CCDC171: variants seen among roughly 807,000 people sequenced by gnomAD.
CCDC171 encodes the protein coiled-coil domain-containing protein 171.
In CCDC171, 177 loss-of-function variants were observed where a neutral mutation model predicts 168.2. That is an observed-to-expected ratio of 1.05 (90% CI 0.93 to 1.19). The LOEUF is 1.19. Ranked by LOEUF, CCDC171 falls within the 50% of genes most tolerant of loss-of-function variation. CCDC171 has a pLI of 0.00. For missense variants in CCDC171, 1,991 were observed against 1,539.0 expected (o/e 1.29, Z -4.91); for synonymous variants, 687 against 540.8 (o/e 1.27, Z -3.75).
rs1384816767 is a variant in CCDC171, at chr9:15,818,161, C to T, written c.3268-28541C>T. ...GACTGTTAGAAGGAAAACTAACAAACAGAAGGGGACATGCACACCAAAACC... is the reference window on the plus strand; with the variant it reads ...GACTGTTAGAAGGAAAACTAACAAATAGAAGGGGACATGCACACCAAAACC... On this transcript the variant is annotated intron_variant, in intron 21 of 25. Transcript: ENST00000380701. Among the ~76,000 whole-genome samples the T allele has an allele frequency of 3.4e-5, 4 of 117,116 alleles. 2 individuals carry two copies. The highest frequency in any genetic ancestry group is 1.3e-4 in the African/African-American group (4 of 31,080). The allele number at this position is 117,116 out of a possible 152,430, so 76.8% of individuals were successfully genotyped here. A position where few individuals can be genotyped will look rare whatever the true frequency, so the allele number is the denominator to read the frequency against.
chr9:15,619,750 G>A (rs1338309453), intron 6 of CCDC171, among the ~76,000 whole-genome samples: 1 of 152,164 alleles, frequency 6.6e-6, no homozygotes, highest in Non-Finnish European at 1.5e-5. Flanking sequence ...CTACTGGAAG[G>A]TGTCATCTAG....
Position 15,702,965 on chromosome 9 carries a change from G to T in CCDC171, c.1318+7628G>T, listed in dbSNP as rs555475951. On this transcript the variant is annotated intron_variant, in intron 11 of 25. Coordinates refer to ENST00000380701, the MANE Select transcript of CCDC171 (RefSeq NM_173550.4). ...GTTGCCCAGGCTGGAGTGCAGTGGC[G>T]CGATCTCTGCTCACTGCAACCTCCC... Among the ~76,000 whole-genome samples, 5 of 150,818 alleles carry T rather than the reference G, an allele frequency of 3.3e-5. No homozygotes were observed. In the East Asian group the frequency reaches 9.8e-4, roughly 30 times the overall value.
In CCDC171 at chr9:15,578,388, C is replaced by G. The variant is rs1260288986; in HGVS notation, c.178-461C>G. Among the ~76,000 whole-genome samples the G allele has an allele frequency of 2.7e-5, 4 of 149,198 alleles. No individual in the cohort carries two copies. The East Asian group carries it at 5.9e-4, about 22-fold the overall frequency. Reference sequence around the variant, plus strand: ...TAGCTGAGACTACAGGTGCACACCACCATGCCTGGTTAATTTTTGTATTAT... The same window carrying G: ...TAGCTGAGACTACAGGTGCACACCAGCATGCCTGGTTAATTTTTGTATTAT... On this transcript the variant is annotated intron_variant, in intron 3 of 25. Coordinates refer to ENST00000380701, the MANE Select transcript of CCDC171 (RefSeq NM_173550.4).
chr9:16,082,699 C>A, the CCDC171 span, among the ~76,000 whole-genome samples: 1 of 152,166 alleles, frequency 6.6e-6, no homozygotes, highest in Non-Finnish European at 1.5e-5. Context: ...TTTTTATAAA[C>A]CAGTAACAAA....
chr9:16,015,578 C>A (rs13298936), intron 3 of CCDC171, among the ~76,000 whole-genome samples: 4 of 152,120 alleles, frequency 2.6e-5, no homozygotes, highest in South Asian at 2.1e-4. Context: ...GCCCTTCCTC[C>A]TCACTGTACA....
At chr9:15,717,695 C>T (rs1377507473) in intron 11 of CCDC171, among the ~76,000 whole-genome samples, 1 of 152,188 alleles carries the variant, frequency 6.6e-6, no homozygotes, top group East Asian at 1.9e-4. Flanking sequence ...TCATTCCAGG[C>T]CTTAGCTCCC....
chr9:15,857,014 A>G (rs1588875489), intron 23 of CCDC171, among the ~76,000 whole-genome samples: 1 of 151,990 alleles, frequency 6.6e-6, no homozygotes, highest in South Asian at 2.1e-4. Flanking sequence ...TCTTCTTTGG[A>G]TAAATGTATA....
intron 7 of CCDC171, among the ~76,000 whole-genome samples, chr9:15,631,761 A>C (rs192385050): frequency 1.3e-5 from 2 of 152,226 alleles, no homozygotes; most frequent in East Asian, 1.9e-4. Context: ...GATTGATGCA[A>C]AAATCCTCAG....
intron 10 of CCDC171, among the ~76,000 whole-genome samples, chr9:15,694,794 C>CT (rs2051086151): frequency 6.6e-6 from 1 of 152,216 alleles, no homozygotes; most frequent in African/African-American, 2.4e-5. Context: ...GACCAAAGTA[C>CT]TGTCACTTGA....
chr9:15,695,691 C>G (rs542189772), intron 11 of CCDC171, among the ~76,000 whole-genome samples: 2 of 152,274 alleles, frequency 1.3e-5, no homozygotes, highest in South Asian at 2.1e-4. Context: ...CTGAGGCAAC[C>G]TTCAGCAACT....
At chr9:16,092,494 T>C in the CCDC171 span, among the ~76,000 whole-genome samples, 1 of 152,134 alleles carries the variant, frequency 6.6e-6, no homozygotes, top group African/African-American at 2.4e-5. Context: ...TCCCCCTTTG[T>C]TTCCCACTGC....
chr9:15,648,166 A>G (rs2047200204), intron 7 of CCDC171, among the ~76,000 whole-genome samples: 1 of 152,228 alleles, frequency 6.6e-6, no homozygotes, highest in South Asian at 2.1e-4. Flanking sequence ...ATCTGAATAG[A>G]TGCAGAAAAG....
At chr9:15,897,403 A>G (rs951100951) in intron 24 of CCDC171, among the ~76,000 whole-genome samples, 4 of 152,104 alleles carry the variant, frequency 2.6e-5, no homozygotes, top group African/African-American at 9.7e-5. Context: ...TTTAGCATCA[A>G]AAGATGTTTT....
At chr9:15,767,750 T>C (rs991590919) in intron 18 of CCDC171, among the ~76,000 whole-genome samples, 1 of 150,342 alleles carries the variant, frequency 6.7e-6, no homozygotes, top group Non-Finnish European at 1.5e-5. Context: ...GTTTCTCCTC[T>C]TTTCATGTCC....
chr9:15,927,978 T>C (rs1826074970), intron 25 of CCDC171, among the ~76,000 whole-genome samples: 3 of 151,682 alleles, frequency 2.0e-5, no homozygotes. Context: ...GAAACAGCTG[T>C]TAGCCTTGAC....
At chr9:15,940,550 C>T (rs537516794) in intron 25 of CCDC171, among the ~76,000 whole-genome samples, 1 of 151,988 alleles carries the variant, frequency 6.6e-6, no homozygotes, top group Non-Finnish European at 1.5e-5. Context: ...AAGGTACTAT[C>T]TATCATCAAA....
intron 24 of CCDC171, among the ~76,000 whole-genome samples, chr9:15,917,578 A>C (rs546492497): frequency 6.6e-6 from 1 of 151,912 alleles, no homozygotes; most frequent in South Asian, 2.1e-4. Flanking sequence ...GTTATCCACT[A>C]TATAAAATTT....
At position 15,846,765 on chromosome 9, in the gene CCDC171, C is replaced by A. The variant is rs200368336; in HGVS notation, c.3331C>A (p.His1111Asn). 1.0e-4 allele frequency: 161 copies of A among 1,612,696 alleles called. No individual in the cohort carries two copies. The highest frequency in any genetic ancestry group is 1.3e-4 in the Non-Finnish European group (154 of 1,179,386). Residue 1111 changes from histidine to asparagine, a missense_variant, in exon 22 of 26, where the codon CAT becomes AAT. His to Asn is a moderately conservative substitution (Grantham distance 68). Transcript: ENST00000380701. Reference protein sequence around the residue: ...KDQSLRQLNRHLTQLEQDKRR... With the variant: ...KDQSLRQLNRNLTQLEQDKRR... ...TCAATCTCTGCGTCAGCTCAATAGA[C>A]ATCTTACCCAGCTGGAGCAGGACAA...
At chr9:15,790,115 A>G (rs946236531) in intron 21 of CCDC171, among the ~76,000 whole-genome samples, 15 of 152,220 alleles carry the variant, frequency 9.9e-5, no homozygotes, top group Admixed American at 9.2e-4. Flanking sequence ...GTATATACCC[A>G]GTAATGGGAC....
Sources: allele counts gnomAD v4.1 joint callset (sites outside exome capture counted in the v4.1 genomes callset), GRCh38; gene constraint gnomAD v4.1.1; transcripts MANE v1.5; gene names NCBI Gene and HGNC (gene_info 2026-07-23, HGNC 2026-07-21).